Variants in SRRM3 observed in about 807,000 individuals in gnomAD.
SRRM3 encodes serine/arginine repetitive matrix 3.
In SRRM3, 27 loss-of-function variants were observed where a neutral mutation model predicts 66.2. The ratio of observed to expected loss-of-function variants is 0.41; its 90% CI spans 0.30 to 0.56. The LOEUF (loss-of-function observed/expected upper bound fraction) is 0.56, where lower values mean the gene tolerates loss of function less well. SRRM3 is among the 20% of genes least tolerant of loss of function. The probability of loss-of-function intolerance (pLI) is 0.32; values close to 1 mark genes in which losing one functional copy is unlikely to be tolerated. For synonymous variants in SRRM3, 391 were observed against 414.9 expected (o/e 0.94, Z 0.70); for missense variants, 918 against 991.9 (o/e 0.93, Z 1.00).
Position 76,281,811 on chromosome 7 carries a change from G to T in SRRM3, c.1370+9G>T, listed in dbSNP as rs1421622704. The T allele has an allele frequency of 7.4e-7, 1 of 1,356,900 alleles. No individual in the cohort carries two copies. The highest frequency in any genetic ancestry group is 9.5e-7 in the Non-Finnish European group (1 of 1,054,962). The allele number at this position is 1,356,900 out of a possible 1,614,324, so 84.1% of individuals were successfully genotyped here. A position where few individuals can be genotyped will look rare whatever the true frequency, so the allele number is the denominator to read the frequency against. The stretch of plus-strand genomic sequence containing the variant: ...GGCGGACACGGGAAACGGTGAGCGT[G>T]CTGGACCCGGAGCTGGACTCCCGCC... On this transcript the variant is annotated intron_variant, in intron 12 of 14. Coordinates refer to ENST00000611745, the MANE Select transcript of SRRM3 (RefSeq NM_001110199.3).
At chr7:76,227,046 C>T (rs1279534607) in intron 1 of SRRM3, among the ~76,000 whole-genome samples, 1 of 151,630 alleles carries the variant, frequency 6.6e-6, no homozygotes, top group African/African-American at 2.4e-5. Flanking sequence ...AGGGTAAAGA[C>T]TTCCCATGTG....
At chr7:76,229,606 A>G (rs1296149690) in intron 1 of SRRM3, among the ~76,000 whole-genome samples, 1 of 152,126 alleles carries the variant, frequency 6.6e-6, no homozygotes, top group Non-Finnish European at 1.5e-5. Flanking sequence ...TGAGTCTGTG[A>G]TCATTGAAAA....
At chr7:76,244,880 A>G (rs1255213979) in intron 2 of SRRM3, among the ~76,000 whole-genome samples, 1 of 152,268 alleles carries the variant, frequency 6.6e-6, no homozygotes. Flanking sequence ...TCACTCATTT[A>G]GCACACATTT....
In SRRM3 at chr7:76,285,646, C is replaced by A; in HGVS notation, c.1765C>A (p.Pro589Thr). The A allele has an allele frequency of 6.4e-7, 1 of 1,551,056 alleles. No individual in the cohort carries two copies. ...ARKRPIPYYR[P>T]SPSSSSSCLS... Reference sequence around the variant, plus strand: ...CAAGCGTCCTATTCCATACTACCGGCCCAGCCCCTCTTCCTCCTCCAGCTG... The same window carrying A: ...CAAGCGTCCTATTCCATACTACCGGACCAGCCCCTCTTCCTCCTCCAGCTG... The change falls in exon 15 of 15, where the codon CCC becomes ACC. Residue 589 changes from proline (P) to threonine (T), a missense_variant. Transcript: ENST00000611745. This position sits in a 1 kb window ranked among gnomAD's most constrained non-coding sequence, Gnocchi z 4.1.
intron 1 of SRRM3, among the ~76,000 whole-genome samples, chr7:76,221,911 C>T (rs1395560248): frequency 6.6e-6 from 1 of 152,200 alleles, no homozygotes; most frequent in East Asian, 1.9e-4. Context: ...TATCGCCTAC[C>T]CAGGCACTGT....
intron 1 of SRRM3, among the ~76,000 whole-genome samples, chr7:76,212,464 C>CTTT (rs1173761653): frequency 7.1e-5 from 7 of 98,074 alleles, no homozygotes; most frequent in Admixed American, 1.1e-4. Flanking sequence ...GCAAGGTCTG[C>CTTT]TTTTTTTTTT....
intron 11 of SRRM3, among the ~76,000 whole-genome samples, chr7:76,278,945 T>G (rs972943377): frequency 6.6e-6 from 1 of 152,086 alleles, no homozygotes; most frequent in Non-Finnish European, 1.5e-5. Flanking sequence ...GCATCTTTTG[T>G]CTTCTCATCC....
chr7:76,286,204 G>C lies in SRRM3; in HGVS notation c.*361G>C. On this transcript the variant is annotated 3_prime_UTR_variant, in exon 15 of 15. Transcript: ENST00000611745. ...GGTACCAGAGTCCATGATCTGCTCTGTCACTTCACCTTAGCTCAGTGCAGC... is the reference window on the plus strand; with the variant it reads ...GGTACCAGAGTCCATGATCTGCTCTCTCACTTCACCTTAGCTCAGTGCAGC... The C allele has an allele frequency of 3.1e-6, 1 of 325,984 alleles. No homozygotes were observed. Among genetic ancestry groups the C allele is most frequent in the South Asian group, 5.1e-5 (1 of 19,734 alleles). 20.2% of individuals were successfully genotyped at this position (325,984 alleles called of 1,614,324 possible).
At chr7:76,236,735 C>A (rs1268064986) in intron 2 of SRRM3, among the ~76,000 whole-genome samples, 1 of 152,206 alleles carries the variant, frequency 6.6e-6, no homozygotes, top group Admixed American at 6.5e-5. Flanking sequence ...TGATGCTCAC[C>A]TCACCCAGAG....
intron 1 of SRRM3, among the ~76,000 whole-genome samples, chr7:76,230,486 C>A (rs1373174002): frequency 1.3e-5 from 2 of 150,922 alleles, no homozygotes; most frequent in Non-Finnish European, 3.0e-5. Context: ...CCCATCTCTA[C>A]AAAAAAAAAT....
chr7:76,251,667 C>G lies in SRRM3; in HGVS notation c.335+3378C>G, dbSNP rs1470673761. Among the ~76,000 whole-genome samples, 3 of 152,170 alleles carry G rather than the reference C, an allele frequency of 2.0e-5. No individual in the cohort carries two copies. The East Asian group carries it at 5.8e-4, about 29-fold the overall frequency. On this transcript the variant is annotated intron_variant, in intron 3 of 14. Coordinates refer to ENST00000611745, the MANE Select transcript of SRRM3 (RefSeq NM_001110199.3). ...GGGATTACAGGCGTGAGCCACCGCG[C>G]CCGGCCCCCAGCAGCACTTTGGAAG...
intron 9 of SRRM3, among the ~76,000 whole-genome samples, chr7:76,265,155 T>G (rs1801976920): frequency 6.6e-6 from 1 of 152,050 alleles, no homozygotes; most frequent in Non-Finnish European, 1.5e-5. Context: ...TTACTAATTC[T>G]CACAGATGAC....
intron 2 of SRRM3, among the ~76,000 whole-genome samples, chr7:76,247,073 A>C (rs1319344574): frequency 6.6e-6 from 1 of 152,186 alleles, no homozygotes; most frequent in Non-Finnish European, 1.5e-5. Context: ...GTGTGGACAC[A>C]GGCTGGAGGG....
chr7:76,263,877 CAAAAAAAAAA>C lies in SRRM3; in HGVS notation c.675-869_675-860del, dbSNP rs781852712. The stretch of plus-strand genomic sequence containing the variant: ...AACAGAGCGGGACTCTGTCTCAAGA[CAAAAAAAAAA>C]AAAAAAAAAAAAAAAAAAGCAGGGA... On this transcript the variant is annotated intron_variant, in intron 8 of 14. Coordinates refer to ENST00000611745, the MANE Select transcript of SRRM3 (RefSeq NM_001110199.3). Among the ~76,000 whole-genome samples, 109 of 49,530 alleles carry C rather than the reference CAAAAAAAAAA, an allele frequency of 2.2e-3. 2 individuals are homozygous for C. Among genetic ancestry groups the C allele is most frequent in the South Asian group, 6.4e-3 (7 of 1,100 alleles). The allele number at this position is 49,530 out of a possible 152,430, so 32.5% of individuals were successfully genotyped here. A position where few individuals can be genotyped will look rare whatever the true frequency, so the allele number is the denominator to read the frequency against.
At chr7:76,260,076 G>GGGGCCCC in intron 4 of SRRM3, 41 bp from the exon 5 acceptor site, 1 of 1,431,292 alleles carries the variant, frequency 7.0e-7, no homozygotes, top group Non-Finnish European at 9.1e-7. Context: ...GCGCGGGGCT[G>GGGGCCCC]CCCCCCCTCA....
intron 3 of SRRM3, among the ~76,000 whole-genome samples, chr7:76,257,443 T>TAA (rs34478728): frequency 2.1e-4 from 20 of 95,258 alleles, no homozygotes; most frequent in Admixed American, 2.4e-4. Context: ...CTTGTTCAAT[T>TAA]AAAAAAAAAA....
chr7:76,260,110 C>T lies in SRRM3; in HGVS notation c.465-7C>T. 7.9e-7 allele frequency: 1 copy of T among 1,268,800 alleles called. No homozygotes were observed. 78.6% of individuals were successfully genotyped at this position (1,268,800 alleles called of 1,614,324 possible). ...CACCGCCCCCACCCCCGCCCCTTCT[C>T]CCCCAGGACCAAGCATTGGTCTAGC... On this transcript the variant is annotated splice_polypyrimidine_tract_variant and splice_region_variant and intron_variant, in intron 4 of 14. Transcript: ENST00000611745.
At position 76,215,890 on chromosome 7, in the gene SRRM3, C is replaced by T. The variant is rs559896806; in HGVS notation, c.-40+13823C>T. ...TTGGCTCACTGCAAGCTCCGCCTCC[C>T]GGGTTCATGCCAGTCTCCTGCCTCA... On this transcript the variant is annotated intron_variant, in intron 1 of 14. Transcript: ENST00000611745. Among the ~76,000 whole-genome samples, 13 of 150,718 alleles carry T rather than the reference C, an allele frequency of 8.6e-5. No individual in the cohort carries two copies. The East Asian group carries it at 2.2e-3, about 25-fold the overall frequency.
intron 11 of SRRM3, chr7:76,268,849 G>A (rs1182733774): frequency 6.6e-6 from 1 of 152,534 alleles, no homozygotes; most frequent in East Asian, 1.9e-4. Flanking sequence ...AGAGGCTGGA[G>A]AGGATTAACA....
Sources: allele counts gnomAD v4.1 joint callset (sites outside exome capture counted in the v4.1 genomes callset), GRCh38; gene constraint gnomAD v4.1.1; non-coding constraint Gnocchi (gnomAD v3.1); transcripts MANE v1.5; gene names NCBI Gene and HGNC (gene_info 2026-07-23, HGNC 2026-07-21).